RSAD2: variants seen among roughly 807,000 people sequenced by gnomAD.
RSAD2 encodes the protein S-adenosylmethionine-dependent nucleotide dehydratase RSAD2.
A neutral mutation model predicts 37.7 loss-of-function variants in RSAD2; 38 were observed. That is an observed-to-expected ratio of 1.01 (90% confidence interval 0.78 to 1.32). The LOEUF (loss-of-function observed/expected upper bound fraction) is 1.32, where lower values mean the gene tolerates loss of function less well. Among genes scored for constraint, RSAD2 ranks in the 40% most tolerant of loss-of-function variants. RSAD2 has a pLI of 0.00. For synonymous variants in RSAD2, 163 were observed against 157.4 expected (o/e 1.04, Z -0.27); for missense variants, 428 against 437.5 (o/e 0.98, Z 0.19).
chr2:6,888,442 C>G (rs1307878167), intron 3 of RSAD2, among the ~76,000 whole-genome samples: 1 of 152,180 alleles, frequency 6.6e-6, no homozygotes, highest in Non-Finnish European at 1.5e-5. Flanking sequence ...ACCAGGAAGG[C>G]AGAGGCTCCA....
At chr2:6,878,206 C>T (rs1288339129) in intron 1 of RSAD2, 60 bp downstream of exon 1, 23 of 1,420,442 alleles carry the variant, frequency 1.6e-5, no homozygotes, top group Admixed American at 1.0e-4. Flanking sequence ...TGGGGTAAGG[C>T]GAGAAGGGGC....
At chr2:6,869,584 A>G (rs967627514) in intron 1 of RSAD2, among the ~76,000 whole-genome samples, 3 of 152,232 alleles carry the variant, frequency 2.0e-5, no homozygotes, top group African/African-American at 7.2e-5. Flanking sequence ...AGTGTACAAT[A>G]TACAATGAAT....
chr2:6,887,460 G>A (rs758261387), intron 3 of RSAD2, among the ~76,000 whole-genome samples: 6 of 152,208 alleles, frequency 3.9e-5, no homozygotes, highest in African/African-American at 4.8e-5. Flanking sequence ...GCTTTGAAAT[G>A]TTTGGAAGAA....
upstream of RSAD2, among the ~76,000 whole-genome samples, chr2:6,874,325 T>A (rs1663247022): frequency 6.6e-6 from 1 of 152,220 alleles, no homozygotes; most frequent in East Asian, 1.9e-4. Context: ...CAATCTTGGG[T>A]ATTTCTTTAC....
chr2:6,876,955 C>T (rs1572153077), upstream of RSAD2: 1 of 152,306 alleles, frequency 6.6e-6, no homozygotes, highest in African/African-American at 2.4e-5. Flanking sequence ...CAACTTCCTA[C>T]AGGTGTCACG....
rs757234378 is a variant in RSAD2, at chr2:6,895,834, T to C, written c.978T>C (p.Asp326=). The change falls in exon 6 of 6, where the codon GAT becomes GAC. Residue 326 remains aspartate (D), a synonymous_variant. Coordinates refer to ENST00000382040, the MANE Select transcript of RSAD2 (RefSeq NM_080657.5). The part of the protein sequence containing the change: ...GRKDPSKSIL[D]VGVEEAIKFS... The stretch of plus-strand genomic sequence containing the variant: ...AGGACCCTTCCAAGTCCATCCTGGA[T>C]GTTGGTGTAGAAGAAGCTATAAAAT... 5.0e-6 allele frequency: 8 copies of C among 1,614,018 alleles called. No homozygotes were observed. Among genetic ancestry groups the C allele is most frequent in the Non-Finnish European group, 6.8e-6 (8 of 1,179,952 alleles).
At chr2:6,884,496 G>A (rs1237166753) in intron 2 of RSAD2, among the ~76,000 whole-genome samples, 2 of 152,204 alleles carry the variant, frequency 1.3e-5, no homozygotes, top group African/African-American at 2.4e-5. Context: ...AAGAAACTGA[G>A]GAAGCAGTGT....
At chr2:6,890,444 A>G (rs2103247639) in intron 4 of RSAD2, 119 bp downstream of exon 4, 4 of 1,064,042 alleles carry the variant, frequency 3.8e-6, no homozygotes, top group South Asian at 3.2e-5. Flanking sequence ...GTGGTGAGAA[A>G]TGGGAGGAAT....
chr2:6,868,948 G>A (rs1663156469), intron 1 of RSAD2, among the ~76,000 whole-genome samples: 1 of 152,214 alleles, frequency 6.6e-6, no homozygotes, highest in South Asian at 2.1e-4. Context: ...GCCAGCTTGC[G>A]ATCATTTTGC....
At chr2:6,895,398 A>G (rs1023081311) in intron 5 of RSAD2, among the ~76,000 whole-genome samples, 2 of 152,216 alleles carry the variant, frequency 1.3e-5, no homozygotes, top group African/African-American at 2.4e-5. Context: ...ACATCATGCT[A>G]TATCACACTT....
At chr2:6,881,360 T>C (rs1663396910) in intron 1 of RSAD2, among the ~76,000 whole-genome samples, 1 of 152,214 alleles carries the variant, frequency 6.6e-6, no homozygotes, top group East Asian at 1.9e-4. Flanking sequence ...TACTGTTTCA[T>C]CTACCATAAA....
At chr2:6,882,326 T>C (rs1474033046) in intron 1 of RSAD2, among the ~76,000 whole-genome samples, 4 of 152,090 alleles carry the variant, frequency 2.6e-5, no homozygotes, top group African/African-American at 9.7e-5. Context: ...AAGAATTGCA[T>C]ACATGAAACA....
In RSAD2 at chr2:6,878,059, T is replaced by C. The variant is rs1558333945; in HGVS notation, c.259T>C (p.Cys87Arg). The change falls in exon 1 of 6, where the codon TGC becomes CGC. Residue 87 changes from cysteine to arginine, a missense_variant. Coordinates refer to ENST00000382040, the MANE Select transcript of RSAD2 (RefSeq NM_080657.5). Reference sequence around the variant, plus strand: ...CTTCACTCGCCAGTGCAACTACAAATGCGGCTTCTGTTTCCACACAGCCAA... The same window carrying C: ...CTTCACTCGCCAGTGCAACTACAAACGCGGCTTCTGTTTCCACACAGCCAA... ...YHFTRQCNYKCGFCFHTAKTS... is the reference protein window; with the variant it reads ...YHFTRQCNYKRGFCFHTAKTS... The C allele has an allele frequency of 1.2e-6, 2 of 1,614,148 alleles. No homozygotes were observed. The highest frequency in any genetic ancestry group is 1.6e-4 in the Middle Eastern group (1 of 6,062).
chr2:6,894,716 G>C (rs1259140242), intron 5 of RSAD2, among the ~76,000 whole-genome samples: 3 of 152,158 alleles, frequency 2.0e-5, no homozygotes, highest in Non-Finnish European at 4.4e-5. Flanking sequence ...CCAGATGCTG[G>C]GATTCCAGGT....
At chr2:6,881,638 G>T (rs1304999513) in intron 1 of RSAD2, among the ~76,000 whole-genome samples, 6 of 152,234 alleles carry the variant, frequency 3.9e-5, no homozygotes, top group Admixed American at 3.9e-4. Context: ...CAAGAAAGAG[G>T]TTTGCACGGG....
chr2:6,881,442 C>A (rs1017622969), intron 1 of RSAD2, among the ~76,000 whole-genome samples: 1 of 152,210 alleles, frequency 6.6e-6, no homozygotes, highest in African/African-American at 2.4e-5. Flanking sequence ...GGAGTCTAGG[C>A]ATGTACCCTA....
chr2:6,890,266 G>A lies in RSAD2; in HGVS notation c.829G>A (p.Glu277Lys). Residue 277 changes from glutamate to lysine, a missense_variant, in exon 4 of 6, where the codon GAA (glutamate) becomes AAA (lysine). By Grantham distance (56) the Glu-to-Lys change is moderately conservative. Coordinates refer to ENST00000382040, the MANE Select transcript of RSAD2 (RefSeq NM_080657.5). ...ERFVIGDEEF[E>K]RFLERHKEVS... ...ATTTGTTATTGGTGATGAAGAATTT[G>A]AAAGATTCTTGGAGCGCCACAAAGA... 1 of 1,614,142 alleles carries A rather than the reference G, an allele frequency of 6.2e-7. No homozygotes were observed. The highest frequency in any genetic ancestry group is 8.5e-7 in the Non-Finnish European group (1 of 1,179,974).
intron 4 of RSAD2, 88 bp downstream of exon 4, chr2:6,890,413 A>T (rs1338725571): frequency 4.3e-6 from 6 of 1,407,762 alleles, no homozygotes; most frequent in Admixed American, 1.8e-5. Context: ...GACCCCACAC[A>T]TTGTTATTTT....
chr2:6,887,617 A>G (rs574011428), intron 3 of RSAD2, among the ~76,000 whole-genome samples: 1 of 152,222 alleles, frequency 6.6e-6, no homozygotes, highest in Non-Finnish European at 1.5e-5. Flanking sequence ...TGGGACCTTT[A>G]TTCCCAGATT....
Sources: gnomAD v4.1 joint callset for allele counts (sites outside exome capture counted in the v4.1 genomes callset) on GRCh38, gnomAD v4.1.1 for gene constraint, MANE v1.5 for transcripts, NCBI Gene and HGNC (gene_info 2026-07-23, HGNC 2026-07-21) for gene names.